The following ATRNL1 variants were observed in gnomAD, a reference collection of about 807,000 sequenced individuals.
ATRNL1 encodes attractin-like protein 1.
A neutral mutation model predicts 182.7 loss-of-function variants in ATRNL1; 95 were observed. The ratio of observed to expected loss-of-function variants is 0.52; its 90% confidence interval spans 0.44 to 0.62. The LOEUF is 0.62. Ranked by LOEUF, ATRNL1 falls within the 20% of genes least tolerant of loss-of-function variation. The probability of loss-of-function intolerance (pLI) is 0.00; values close to 1 mark genes in which losing one functional copy is unlikely to be tolerated. For synonymous variants in ATRNL1, 576 were observed against 568.3 expected (o/e 1.01, Z -0.19); for missense variants, 1,471 against 1,679.5 (o/e 0.88, Z 2.17).
intron 25 of ATRNL1, among the ~76,000 whole-genome samples, chr10:115,533,525 C>G (rs575298282): frequency 9.2e-5 from 14 of 151,976 alleles, no homozygotes; most frequent in East Asian, 5.8e-4. Context: ...AGCTGTCTAT[C>G]AATTTTGTTG....
intron 5 of ATRNL1, among the ~76,000 whole-genome samples, chr10:115,136,139 C>T (rs1845504323): frequency 6.6e-6 from 1 of 151,932 alleles, no homozygotes; most frequent in African/African-American, 2.4e-5. Flanking sequence ...GCTGGGACTA[C>T]TCGAGGGCAC....
At chr10:115,289,115 A>T (rs576445260) in intron 15 of ATRNL1, among the ~76,000 whole-genome samples, 1 of 152,292 alleles carries the variant, frequency 6.6e-6, no homozygotes, top group South Asian at 2.1e-4. Context: ...TGTTACATGG[A>T]TGGCAGCGGG....
chr10:115,477,125 T>A (rs1554973311), intron 24 of ATRNL1, among the ~76,000 whole-genome samples: 2 of 151,572 alleles, frequency 1.3e-5, no homozygotes, highest in Non-Finnish European at 3.0e-5. Flanking sequence ...ATAAAAGATT[T>A]CTCCCTTATA....
chr10:115,450,794 C>A (rs1157251763), intron 21 of ATRNL1, among the ~76,000 whole-genome samples: 1 of 152,096 alleles, frequency 6.6e-6, no homozygotes, highest in African/African-American at 2.4e-5. Context: ...TCATATGGAA[C>A]CCAAATAGAG....
At chr10:115,627,616 T>G (rs1344044594) in intron 26 of ATRNL1, among the ~76,000 whole-genome samples, 2 of 152,100 alleles carry the variant, frequency 1.3e-5, no homozygotes, top group Non-Finnish European at 2.9e-5. Flanking sequence ...TGCGCTCCCC[T>G]GAGCCTCCCA....
At chr10:115,577,652 GTA>G in intron 26 of ATRNL1, among the ~76,000 whole-genome samples, 1 of 127,154 alleles carries the variant, frequency 7.9e-6, no homozygotes, top group African/African-American at 2.8e-5. Flanking sequence ...GTGTGTGTGT[GTA>G]GCCTTATAGG....
At chr10:115,242,005 T>C (rs1850443992) in intron 10 of ATRNL1, among the ~76,000 whole-genome samples, 1 of 152,056 alleles carries the variant, frequency 6.6e-6, no homozygotes, top group Non-Finnish European at 1.5e-5. Context: ...TTGTGAACAC[T>C]ATATCAGTTT....
intron 27 of ATRNL1, among the ~76,000 whole-genome samples, chr10:115,821,956 C>T (rs1555090541): frequency 6.6e-6 from 1 of 152,164 alleles, no homozygotes; most frequent in Non-Finnish European, 1.5e-5. Context: ...GAACTCTCCA[C>T]CCCAAATCAA....
chr10:115,831,948 C>T (rs1025932501), intron 27 of ATRNL1, among the ~76,000 whole-genome samples: 34 of 151,808 alleles, frequency 2.2e-4, no homozygotes, highest in African/African-American at 7.7e-4. Context: ...AATTAAATTC[C>T]CCGACAAATA....
At chr10:115,675,897 A>C (rs1945845692) in intron 26 of ATRNL1, among the ~76,000 whole-genome samples, 1 of 152,120 alleles carries the variant, frequency 6.6e-6, no homozygotes, top group Non-Finnish European at 1.5e-5. Context: ...TGAGCTAGAA[A>C]ACAGTAAGTC....
chr10:115,755,553 C>A (rs1948565485), intron 27 of ATRNL1, among the ~76,000 whole-genome samples: 1 of 152,118 alleles, frequency 6.6e-6, no homozygotes, highest in South Asian at 2.1e-4. Context: ...TTTTGATACG[C>A]TGCTGGAATC....
chr10:115,699,158 A>G, intron 26 of ATRNL1, among the ~76,000 whole-genome samples: 1 of 152,164 alleles, frequency 6.6e-6, no homozygotes, highest in East Asian at 1.9e-4. Context: ...TACTTTATGG[A>G]TAAAAAGATC....
intron 1 of ATRNL1, among the ~76,000 whole-genome samples, chr10:115,104,951 C>T (rs1342968715): frequency 6.6e-6 from 1 of 151,738 alleles, no homozygotes; most frequent in East Asian, 1.9e-4. Flanking sequence ...GCTTTGGTTA[C>T]TATAGCTCTG....
chr10:115,120,194 A>C lies in ATRNL1; in HGVS notation c.303A>C (p.Glu101Asp). Residue 101 changes from glutamate to aspartate, a missense_variant, in exon 2 of 29, where the codon GAA becomes GAC. By Grantham distance (45) the Glu-to-Asp change is conservative (BLOSUM62 2). Coordinates refer to ENST00000355044, the MANE Select transcript of ATRNL1 (RefSeq NM_207303.4). ...TTATTTTCTCTTCCAGGTTAACAGA[A>C]CCTTCTGGATATTTAACAGATGGCC... Reference protein sequence around the residue: ...QHCQGRFKLTEPSGYLTDGPI... With the variant: ...QHCQGRFKLTDPSGYLTDGPI... The C allele has an allele frequency of 6.5e-7, 1 of 1,544,502 alleles. No homozygotes were observed. Among genetic ancestry groups the C allele is most frequent in the Non-Finnish European group, 8.9e-7 (1 of 1,123,004 alleles).
At chr10:115,662,945 C>T (rs1043554638) in intron 26 of ATRNL1, among the ~76,000 whole-genome samples, 2 of 152,078 alleles carry the variant, frequency 1.3e-5, no homozygotes, top group Admixed American at 1.3e-4. Context: ...AATTAGATTA[C>T]TTTGTATTCG....
chr10:115,301,621 C>A (rs1321674760), intron 16 of ATRNL1, among the ~76,000 whole-genome samples: 9 of 152,028 alleles, frequency 5.9e-5, no homozygotes, highest in Non-Finnish European at 1.3e-4. Flanking sequence ...AATTATACAA[C>A]TTTATATACT....
At chr10:115,472,029 G>A (rs1170803986) in intron 24 of ATRNL1, among the ~76,000 whole-genome samples, 1 of 150,816 alleles carries the variant, frequency 6.6e-6, no homozygotes, top group Non-Finnish European at 1.5e-5. Context: ...TTTTGTGTAT[G>A]GTATAAAGTA....
chr10:115,798,823 CTTTTTTCTTTTTTTT>C (rs1340993895), intron 27 of ATRNL1, among the ~76,000 whole-genome samples: 1 of 122,000 alleles, frequency 8.2e-6, no homozygotes, highest in Non-Finnish European at 1.6e-5. Flanking sequence ...TCTTTTTTTT[CTTTTTTCTTTTTTTT>C]TTTTTTGAGT....
intron 26 of ATRNL1, among the ~76,000 whole-genome samples, chr10:115,616,742 C>T (rs1420724877): frequency 6.6e-6 from 1 of 152,208 alleles, no homozygotes; most frequent in Non-Finnish European, 1.5e-5. Flanking sequence ...AAGCCATAAG[C>T]CTTGGTGGCT....
Sources: allele counts gnomAD v4.1 joint callset (sites outside exome capture counted in the v4.1 genomes callset), GRCh38; gene constraint gnomAD v4.1.1; transcripts MANE v1.5; gene names NCBI Gene and HGNC (gene_info 2026-07-23, HGNC 2026-07-21).